ROBO2: variants seen among roughly 807,000 people sequenced by gnomAD.
ROBO2 encodes the protein roundabout guidance receptor 2.
ROBO2 carries 53 observed loss-of-function variants against 160.8 expected under a neutral mutation model. That is an observed-to-expected ratio of 0.33 (90% CI 0.26 to 0.41). The LOEUF (loss-of-function observed/expected upper bound fraction) is 0.41. Among genes scored for constraint, ROBO2 ranks in the 10% least tolerant of loss-of-function variants. The pLI, the probability that ROBO2 is intolerant of heterozygous loss-of-function variation, is 1.00. For missense variants in ROBO2, 1,577 were observed against 1,722.4 expected, an observed-to-expected ratio of 0.92 and a Z score of 1.49; for synonymous variants, 664 against 611.7, an observed-to-expected ratio of 1.09 and a Z score of -1.26.
At chr3:76,622,250 G>C (rs1370078659) in intron 2 of ROBO2, among the ~76,000 whole-genome samples, 4 of 54,472 alleles carry the variant, frequency 7.3e-5, no homozygotes, top group Non-Finnish European at 1.1e-4. Flanking sequence ...AAGAAAGAAA[G>C]AAAGAAAGAA....
intron 2 of ROBO2, among the ~76,000 whole-genome samples, chr3:76,539,816 C>T (rs1019309459): frequency 6.6e-6 from 1 of 152,064 alleles, no homozygotes; most frequent in East Asian, 1.9e-4. Flanking sequence ...ACCAGTGATC[C>T]AGAAGATGAT....
At chr3:76,114,583 A>G (rs1452833619) in intron 2 of ROBO2, among the ~76,000 whole-genome samples, 1 of 152,092 alleles carries the variant, frequency 6.6e-6, no homozygotes, top group Non-Finnish European at 1.5e-5. Context: ...ATCTTTAAAG[A>G]TGAAGAAATT....
intron 1 of ROBO2, among the ~76,000 whole-genome samples, chr3:77,080,652 A>G (rs1358028060): frequency 6.6e-6 from 1 of 152,054 alleles, no homozygotes; most frequent in Non-Finnish European, 1.5e-5. Flanking sequence ...TCTCTGCTCG[A>G]GAATTTGTTA....
At chr3:76,069,918 T>C (rs2068390068) in intron 2 of ROBO2, among the ~76,000 whole-genome samples, 1 of 152,240 alleles carries the variant, frequency 6.6e-6, no homozygotes, top group South Asian at 2.1e-4. Flanking sequence ...TGCCTGTCTT[T>C]ACTGCAATCT....
chr3:76,842,456 G>T (rs546846817), intron 2 of ROBO2, among the ~76,000 whole-genome samples: 4 of 152,332 alleles, frequency 2.6e-5, no homozygotes, highest in African/African-American at 9.6e-5. Flanking sequence ...ACCAAGAACT[G>T]TGAGTGTAGA....
At chr3:77,200,317 ATATATT>A (rs1355956183) in intron 2 of ROBO2, among the ~76,000 whole-genome samples, 2,998 of 69,206 alleles carry the variant, frequency 0.043, 295 homozygotes, top group Middle Eastern at 0.078. Context: ...ATATATATAT[ATATATT>A]TTAGTTTCTA....
At chr3:76,328,734 C>A (rs1264173596) in intron 2 of ROBO2, among the ~76,000 whole-genome samples, 1 of 151,908 alleles carries the variant, frequency 6.6e-6, no homozygotes, top group Non-Finnish European at 1.5e-5. Flanking sequence ...GTGGCGGCGC[C>A]TGTAGTCTCA....
intron 2 of ROBO2, among the ~76,000 whole-genome samples, chr3:76,039,895 C>A (rs1019262716): frequency 6.6e-6 from 1 of 151,944 alleles, no homozygotes; most frequent in Admixed American, 6.6e-5. Context: ...CATTCCACTT[C>A]GGAGAATAAA....
At chr3:77,252,678 G>A (rs1434780425) in intron 2 of ROBO2, among the ~76,000 whole-genome samples, 2 of 149,590 alleles carry the variant, frequency 1.3e-5, no homozygotes, top group Non-Finnish European at 3.0e-5. Flanking sequence ...CGTGGTGGCG[G>A]GCGCCTGTAG....
chr3:77,342,936 T>C (rs1365855038), intron 2 of ROBO2, among the ~76,000 whole-genome samples: 1 of 152,176 alleles, frequency 6.6e-6, no homozygotes, highest in Admixed American at 6.6e-5. Context: ...CTCACCGTCC[T>C]GGAGGCCGCA....
chr3:76,821,036 C>T (rs968035076), intron 2 of ROBO2, among the ~76,000 whole-genome samples: 5 of 151,806 alleles, frequency 3.3e-5, no homozygotes, highest in Non-Finnish European at 4.4e-5. Context: ...AAACTGAAAG[C>T]GTTCAATTGT....
chr3:77,590,310 A>G (rs1160862112), intron 17 of ROBO2, among the ~76,000 whole-genome samples: 1 of 152,120 alleles, frequency 6.6e-6, no homozygotes, highest in Non-Finnish European at 1.5e-5. Context: ...CTGCTTCCTC[A>G]TAATTTGTCA....
At chr3:76,125,948 T>G (rs2108311717) in intron 2 of ROBO2, among the ~76,000 whole-genome samples, 1 of 152,192 alleles carries the variant, frequency 6.6e-6, no homozygotes, top group South Asian at 2.1e-4. Flanking sequence ...TGTCTCAGCC[T>G]CCCAAATAGC....
intron 2 of ROBO2, among the ~76,000 whole-genome samples, chr3:76,217,648 C>A (rs973326730): frequency 2.0e-5 from 3 of 152,080 alleles, no homozygotes; most frequent in Non-Finnish European, 2.9e-5. Flanking sequence ...CAATAACAGG[C>A]TCTGAAATTG....
chr3:77,038,222 T>C (rs1470478496), upstream of ROBO2, among the ~76,000 whole-genome samples: 2 of 152,214 alleles, frequency 1.3e-5, no homozygotes, highest in Non-Finnish European at 2.9e-5. Flanking sequence ...AGAATTATTA[T>C]AGTGAGAATT....
At chr3:76,048,640 A>G (rs568671198) in intron 2 of ROBO2, among the ~76,000 whole-genome samples, 6 of 152,192 alleles carry the variant, frequency 3.9e-5, no homozygotes, top group Non-Finnish European at 8.8e-5. Flanking sequence ...ATTATACAAT[A>G]TATTTTAAGG....
At chr3:76,736,946 T>C (rs2093722726) in intron 2 of ROBO2, among the ~76,000 whole-genome samples, 1 of 152,320 alleles carries the variant, frequency 6.6e-6, no homozygotes, top group South Asian at 2.1e-4. Context: ...TAATATTTCA[T>C]TGTTACAGCA....
intron 2 of ROBO2, among the ~76,000 whole-genome samples, chr3:76,270,432 A>G (rs915898766): frequency 2.2e-4 from 33 of 151,994 alleles, no homozygotes; most frequent in African/African-American, 7.7e-4. Context: ...AATTCCCCAT[A>G]TTCTAGTTGA....
intron 2 of ROBO2, among the ~76,000 whole-genome samples, chr3:76,809,692 C>T (rs1260954318): frequency 1.3e-5 from 2 of 151,974 alleles, no homozygotes; most frequent in African/African-American, 4.8e-5. Flanking sequence ...TTATTTGTGG[C>T]TCCTTTTAAT....
Sources: allele counts gnomAD v4.1 joint callset (sites outside exome capture counted in the v4.1 genomes callset), GRCh38; gene constraint gnomAD v4.1.1; transcripts MANE v1.5; gene names NCBI Gene and HGNC (gene_info 2026-07-23, HGNC 2026-07-21).